HTR2A: variants seen among roughly 807,000 people sequenced by gnomAD.
The protein encoded by HTR2A is 5-hydroxytryptamine receptor 2A.
Under a neutral mutation model 31.0 loss-of-function variants are expected in HTR2A, and 14 were observed. That is an observed-to-expected ratio of 0.45 (90% CI 0.30 to 0.71). The LOEUF (loss-of-function observed/expected upper bound fraction) is 0.71. Ranked by LOEUF, HTR2A falls within the 30% of genes least tolerant of loss-of-function variation. The probability of loss-of-function intolerance (pLI) is 0.09; values close to 1 mark genes in which losing one functional copy is unlikely to be tolerated. For synonymous variants in HTR2A, 209 were observed against 225.2 expected (o/e 0.93, Z 0.64); for missense variants, 442 against 573.3 (o/e 0.77, Z 2.34).
At chr13:46,874,557 A>G (rs1403619294) in intron 3 of HTR2A, among the ~76,000 whole-genome samples, 1 of 152,228 alleles carries the variant, frequency 6.6e-6, no homozygotes, top group Non-Finnish European at 1.5e-5. Context: ...ACACTGATGC[A>G]TGGTTTTCAG....
chr13:46,832,729 A>G lies in HTR2A; in HGVS notation c.*2108T>C, dbSNP rs1471437065. ...TTGAAACAGTGAACCATCTTTCAACATATCTATGAGGACATAATGAGAATT... is the reference window on the plus strand; with the variant it reads ...TTGAAACAGTGAACCATCTTTCAACGTATCTATGAGGACATAATGAGAATT... On this transcript the variant is annotated 3_prime_UTR_variant, in exon 4 of 4. Transcript: ENST00000542664. 2.0e-5 allele frequency: 3 copies of G among 152,318 alleles called. No homozygotes were observed. Among genetic ancestry groups the G allele is most frequent in the East Asian group, 1.9e-4 (1 of 5,192 alleles). The allele number at this position is 152,318 out of a possible 1,614,324, so 9.4% of individuals were successfully genotyped here.
chr13:46,848,916 A>G (rs1390065195), intron 3 of HTR2A, among the ~76,000 whole-genome samples: 1 of 152,228 alleles, frequency 6.6e-6, no homozygotes, highest in Non-Finnish European at 1.5e-5. Flanking sequence ...ATACGTGGGA[A>G]GCAGGAATAG....
Position 46,834,898 on chromosome 13 carries a change from T to G in HTR2A, c.1355A>C (p.His452Pro), listed in dbSNP as rs768425509. ...ATTGTCTTTAGAAGCCTCTTCAGAATGCTGCTTTCCTAGAGCAACCATTGA... is the reference window on the plus strand; with the variant it reads ...ATTGTCTTTAGAAGCCTCTTCAGAAGGCTGCTTTCCTAGAGCAACCATTGA... ...DCSMVALGKQ[H>P]SEEASKDNSD... The change falls in exon 4 of 4, where the codon CAT (histidine) becomes CCT (proline). Residue 452 changes from histidine to proline, a missense_variant. His to Pro is a moderately conservative substitution (Grantham distance 77). Around this residue, in one of 5 missense-constraint regions of HTR2A, gnomAD observed 88 missense variants for 83.1 expected, o/e 1.06. Transcript: ENST00000542664. The G allele has an allele frequency of 5.5e-5, 89 of 1,614,118 alleles. No homozygotes were observed. Among genetic ancestry groups the G allele is most frequent in the Non-Finnish European group, 7.2e-5 (85 of 1,179,966 alleles).
At chr13:46,897,164 C>A, upstream of HTR2A, 1 of 229,674 alleles carries the variant, frequency 4.4e-6, no homozygotes, top group Non-Finnish European at 8.4e-6. Context: ...CCTCTTTTTG[C>A]TACATATTAA....
At chr13:46,891,130 A>G (rs1326518491) in intron 3 of HTR2A, among the ~76,000 whole-genome samples, 1 of 152,238 alleles carries the variant, frequency 6.6e-6, no homozygotes, top group Non-Finnish European at 1.5e-5. Flanking sequence ...GTAAGCCACA[A>G]TACCTCTGTA....
intron 3 of HTR2A, among the ~76,000 whole-genome samples, chr13:46,883,575 G>T (rs1950983655): frequency 6.6e-6 from 1 of 152,144 alleles, no homozygotes; most frequent in Admixed American, 6.5e-5. Flanking sequence ...GCTAAAGACA[G>T]GAAATAAAGT....
intron 3 of HTR2A, among the ~76,000 whole-genome samples, chr13:46,871,956 T>C (rs1950866088): frequency 6.6e-6 from 1 of 152,188 alleles, no homozygotes; most frequent in Non-Finnish European, 1.5e-5. Flanking sequence ...TTCAGAAGAG[T>C]GCCAGGGAAA....
At chr13:46,894,289 C>A (rs936571709) in intron 2 of HTR2A, among the ~76,000 whole-genome samples, 2 of 152,150 alleles carry the variant, frequency 1.3e-5, no homozygotes, top group African/African-American at 2.4e-5. Context: ...GTCACCCCAC[C>A]CTCCAGCCTC....
At position 46,832,322 on chromosome 13, in the gene HTR2A, T is replaced by C. The variant is rs1045611571; in HGVS notation, c.*2515A>G. 1.3e-5 allele frequency: 2 copies of C among 152,230 alleles called. No homozygotes were observed. The highest frequency in any genetic ancestry group is 4.8e-5 in the African/African-American group (2 of 41,468). 9.4% of individuals were successfully genotyped at this position (152,230 alleles called of 1,614,324 possible). A position where few individuals can be genotyped will look rare whatever the true frequency, so the allele number is the denominator to read the frequency against. The stretch of plus-strand genomic sequence containing the variant: ...TTTTCATTGACTTGCTTTTCGTCCA[T>C]ATAAATATATAAATATTGAATAAAG... On this transcript the variant is annotated 3_prime_UTR_variant, in exon 4 of 4. Coordinates refer to ENST00000542664, the MANE Select transcript of HTR2A (RefSeq NM_000621.5).
intron 2 of HTR2A, among the ~76,000 whole-genome samples, chr13:46,894,359 G>T (rs890227999): frequency 6.6e-6 from 1 of 152,232 alleles, no homozygotes; most frequent in East Asian, 1.9e-4. Context: ...CCCTAGGGGA[G>T]GGGGTTTGGG....
rs771186172 is a variant in HTR2A, at chr13:46,833,676, G to A, written c.*1161C>T. The A allele has an allele frequency of 5.9e-5, 9 of 152,112 alleles. No homozygotes were observed. Among genetic ancestry groups the A allele is most frequent in the Admixed American group, 2.0e-4 (3 of 15,268 alleles). The allele number at this position is 152,112 out of a possible 1,614,324, so 9.4% of individuals were successfully genotyped here. ...CCTCCGTGCCTGGCCGAGCCATTTC[G>A]TTTGAAGGCAAGGATTTTGTTTTAA... On this transcript the variant is annotated 3_prime_UTR_variant, in exon 4 of 4. Coordinates refer to ENST00000542664, the MANE Select transcript of HTR2A (RefSeq NM_000621.5).
At chr13:46,863,028 C>T (rs1438925563) in intron 3 of HTR2A, among the ~76,000 whole-genome samples, 1 of 152,108 alleles carries the variant, frequency 6.6e-6, no homozygotes, top group Non-Finnish European at 1.5e-5. Flanking sequence ...TGGTATAACA[C>T]TAGTTACCAT....
chr13:46,891,408 A>G (rs1207242352), intron 3 of HTR2A, among the ~76,000 whole-genome samples: 1 of 152,212 alleles, frequency 6.6e-6, no homozygotes, highest in Admixed American at 6.5e-5. Flanking sequence ...TTACTCTTCA[A>G]ATTGCATAAT....
At chr13:46,883,154 C>T (rs560619302) in intron 3 of HTR2A, among the ~76,000 whole-genome samples, 1 of 152,128 alleles carries the variant, frequency 6.6e-6, no homozygotes, top group African/African-American at 2.4e-5. Flanking sequence ...CAACACAAAA[C>T]TACAATGAGA....
chr13:46,859,753 C>T (rs180806250), intron 3 of HTR2A, among the ~76,000 whole-genome samples: 169 of 152,174 alleles, frequency 1.1e-3, no homozygotes, highest in African/African-American at 3.9e-3. Flanking sequence ...AACCGTGAGC[C>T]GATTAAACCG....
chr13:46,872,885 G>T (rs765204189), intron 3 of HTR2A, among the ~76,000 whole-genome samples: 10 of 152,060 alleles, frequency 6.6e-5, no homozygotes, highest in Non-Finnish European at 1.3e-4. Context: ...GTATTTCCCA[G>T]TAATTATTAT....
intron 3 of HTR2A, among the ~76,000 whole-genome samples, chr13:46,864,902 A>G (rs916562604): frequency 6.6e-6 from 1 of 151,958 alleles, no homozygotes; most frequent in Non-Finnish European, 1.5e-5. Flanking sequence ...GCGTTTATTC[A>G]ATAATAAAGC....
intron 3 of HTR2A, among the ~76,000 whole-genome samples, chr13:46,850,550 C>CCTGCA (rs1463414309): frequency 1.3e-5 from 2 of 152,212 alleles, no homozygotes; most frequent in Admixed American, 1.3e-4. Context: ...GGTATGCAGG[C>CCTGCA]TTGGGGATCA....
intron 3 of HTR2A, among the ~76,000 whole-genome samples, chr13:46,842,764 T>C (rs1192014392): frequency 2.6e-5 from 4 of 152,134 alleles, no homozygotes; most frequent in Non-Finnish European, 5.9e-5. Context: ...ATATTACCCA[T>C]AGCAAGATTT....
Sources: gnomAD v4.1 joint callset for allele counts (sites outside exome capture counted in the v4.1 genomes callset) on GRCh38, gnomAD v4.1.1 for gene constraint, gnomAD v4.1.1 regional missense constraint, MANE v1.5 for transcripts, NCBI Gene and HGNC (gene_info 2026-07-23, HGNC 2026-07-21) for gene names.